PEBP4: variants seen among roughly 807,000 people sequenced by gnomAD.
PEBP4 encodes phosphatidylethanolamine binding protein 4, also known as phosphatidylethanolamine-binding protein 4.
A neutral mutation model predicts 23.9 loss-of-function variants in PEBP4; 22 were observed. That is an observed-to-expected ratio of 0.92 (90% CI 0.66 to 1.31). The LOEUF (loss-of-function observed/expected upper bound fraction) is 1.31. PEBP4 is among the 40% of genes most tolerant of loss of function. PEBP4 has a pLI of 0.00. For synonymous variants in PEBP4, 112 were observed against 99.3 expected, an observed-to-expected ratio of 1.13 and a Z score of -0.76; for missense variants, 324 against 281.7, an observed-to-expected ratio of 1.15 and a Z score of -1.07.
At chr8:22,735,843 C>T (rs778195026) in intron 4 of PEBP4, among the ~76,000 whole-genome samples, 3 of 152,250 alleles carry the variant, frequency 2.0e-5, no homozygotes, top group Non-Finnish European at 4.4e-5. Flanking sequence ...CAAACACCTC[C>T]CTTTTACAAA....
chr8:22,873,076 A>G (rs975789482), intron 3 of PEBP4, among the ~76,000 whole-genome samples: 1 of 152,236 alleles, frequency 6.6e-6, no homozygotes. Context: ...ATTACAGCCT[A>G]AACTGAGTAA....
rs543782963 is a variant in PEBP4, at chr8:22,910,267, G to A, written c.258+9917C>T. 4.6e-5 allele frequency among the ~76,000 whole-genome samples: 7 copies of A among 152,384 alleles called. No homozygotes were observed. In the South Asian group the frequency reaches 1.4e-3, roughly 32 times the overall value. ...ACAAATAAAAAGGATTGTCATGATAGGGAAAGTGTTTTGAAAATTGTACAG... is the reference window on the plus strand; with the variant it reads ...ACAAATAAAAAGGATTGTCATGATAAGGAAAGTGTTTTGAAAATTGTACAG... On this transcript the variant is annotated intron_variant, in intron 3 of 6. Transcript: ENST00000256404.
intron 3 of PEBP4, among the ~76,000 whole-genome samples, chr8:22,840,634 T>C (rs1049785996): frequency 6.6e-6 from 1 of 152,182 alleles, no homozygotes; most frequent in Non-Finnish European, 1.5e-5. Context: ...AACACCCACA[T>C]GTTCCTCTTG....
At chr8:22,717,423 G>C (rs866034300) in intron 6 of PEBP4, among the ~76,000 whole-genome samples, 1 of 152,186 alleles carries the variant, frequency 6.6e-6, no homozygotes, top group Admixed American at 6.5e-5. Context: ...CCACCTGACT[G>C]GTCCTTGGTC....
At chr8:22,931,610 G>A (rs959260372), upstream of PEBP4, among the ~76,000 whole-genome samples, 2 of 151,844 alleles carry the variant, frequency 1.3e-5, no homozygotes, top group Non-Finnish European at 2.9e-5. Context: ...TTTTTAGGTG[G>A]AGTCTCGCTG....
chr8:22,767,182 T>C (rs1452052185), intron 4 of PEBP4, among the ~76,000 whole-genome samples: 1 of 152,202 alleles, frequency 6.6e-6, no homozygotes, highest in African/African-American at 2.4e-5. Context: ...GAAGCTCCGG[T>C]GGGAAGCAGT....
intron 6 of PEBP4, 66 bp from the exon 7 acceptor site, chr8:22,713,602 G>A (rs1020930248): frequency 1.9e-6 from 3 of 1,606,368 alleles, no homozygotes; most frequent in East Asian, 4.5e-5. Flanking sequence ...GCTGGCAGGG[G>A]CCTGAGAGGG....
At chr8:22,937,441 A>T (rs1379592398) in intron 1 of PEBP4, among the ~76,000 whole-genome samples, 9 of 152,320 alleles carry the variant, frequency 5.9e-5, no homozygotes, top group African/African-American at 2.2e-4. Flanking sequence ...ATTAAAGAAG[A>T]GATAAATGTA....
At chr8:22,825,636 C>T (rs946149663) in intron 3 of PEBP4, among the ~76,000 whole-genome samples, 2 of 152,148 alleles carry the variant, frequency 1.3e-5, no homozygotes, top group African/African-American at 2.4e-5. Flanking sequence ...TACTTTCCCT[C>T]GGGTTCTAAC....
At position 22,840,407 on chromosome 8, in the gene PEBP4, ATT is replaced by A. The variant is rs112350964; in HGVS notation, c.259-22674_259-22673del. Among the ~76,000 whole-genome samples, 1,194 of 141,508 alleles carry A rather than the reference ATT, an allele frequency of 8.4e-3. 20 individuals are homozygous for A. Among genetic ancestry groups the A allele is most frequent in the African/African-American group, 0.029 (1,127 of 38,596 alleles). The allele number at this position is 141,508 out of a possible 152,430, so 92.8% of individuals were successfully genotyped here. Reference sequence around the variant, plus strand: ...CTTAAAAAAATTTTTTCTTCTTTTAATTTTTTTTTTTTTTTTAAAGATGGGGT... The same window carrying A: ...CTTAAAAAAATTTTTTCTTCTTTTAATTTTTTTTTTTTTTAAAGATGGGGT... On this transcript the variant is annotated intron_variant, in intron 3 of 6. Transcript: ENST00000256404.
At chr8:22,867,751 G>A (rs1251181170) in intron 3 of PEBP4, among the ~76,000 whole-genome samples, 3 of 152,190 alleles carry the variant, frequency 2.0e-5, no homozygotes, top group Non-Finnish European at 4.4e-5. Context: ...CTTTGCTCAC[G>A]TCATTGCATG....
At chr8:22,725,703 G>A (rs1007520220) in intron 5 of PEBP4, among the ~76,000 whole-genome samples, 27 of 152,118 alleles carry the variant, frequency 1.8e-4, no homozygotes, top group Admixed American at 9.2e-4. Context: ...TCCCCTTCCC[G>A]CTCTCCATCT....
At chr8:22,899,876 T>C (rs1585332379) in intron 3 of PEBP4, among the ~76,000 whole-genome samples, 1 of 152,134 alleles carries the variant, frequency 6.6e-6, no homozygotes, top group Non-Finnish European at 1.5e-5. Context: ...TTGCCCATGT[T>C]ATGCATGAGG....
intron 1 of PEBP4, among the ~76,000 whole-genome samples, chr8:22,940,826 G>A (rs574496551): frequency 6.6e-6 from 1 of 152,286 alleles, no homozygotes; most frequent in South Asian, 2.1e-4. Context: ...AGGCCAAGGT[G>A]TTTTTTCTCT....
At chr8:22,772,370 G>A (rs965989854) in intron 4 of PEBP4, among the ~76,000 whole-genome samples, 2 of 152,152 alleles carry the variant, frequency 1.3e-5, no homozygotes, top group Non-Finnish European at 2.9e-5. Flanking sequence ...CAGGCAAACT[G>A]TAAGCACTCA....
chr8:22,809,737 C>A (rs1172396660), intron 4 of PEBP4, among the ~76,000 whole-genome samples: 12 of 152,240 alleles, frequency 7.9e-5, no homozygotes, highest in African/African-American at 2.4e-4. Flanking sequence ...CCTTCTTCCT[C>A]TCCCTCTCTC....
chr8:22,837,890 C>CTTTT (rs746772591), intron 3 of PEBP4, among the ~76,000 whole-genome samples: 5 of 64,552 alleles, frequency 7.7e-5, no homozygotes, highest in Non-Finnish European at 1.1e-4. Context: ...TTATTATATT[C>CTTTT]TTTTTTTTTT....
intron 3 of PEBP4, among the ~76,000 whole-genome samples, chr8:22,918,025 T>C (rs1473362102): frequency 3.3e-5 from 5 of 152,232 alleles, no homozygotes; most frequent in African/African-American, 1.2e-4. Flanking sequence ...TGTGAACCAA[T>C]GTTTCCCCCT....
At chr8:22,883,016 T>C (rs1808296085) in intron 3 of PEBP4, among the ~76,000 whole-genome samples, 1 of 152,186 alleles carries the variant, frequency 6.6e-6, no homozygotes, top group Non-Finnish European at 1.5e-5. Context: ...CATGTGGCCC[T>C]GCGAGACATA....
Sources: gnomAD v4.1 joint callset for allele counts (sites outside exome capture counted in the v4.1 genomes callset) on GRCh38, gnomAD v4.1.1 for gene constraint, MANE v1.5 for transcripts, NCBI Gene and HGNC (gene_info 2026-07-23, HGNC 2026-07-21) for gene names.